Variants in KLRC3 observed in about 807,000 individuals in gnomAD.
KLRC3 encodes the protein NKG2-E type II integral membrane protein.
In KLRC3, 16 loss-of-function variants were observed where a neutral mutation model predicts 23.6. That is an observed-to-expected ratio of 0.68 (90% CI 0.46 to 1.03). The LOEUF (loss-of-function observed/expected upper bound fraction) is 1.03. Ranked by LOEUF, KLRC3 falls within the 50% of genes least tolerant of loss-of-function variation. KLRC3 has a pLI of 0.00. For missense variants in KLRC3, 209 were observed against 232.2 expected (o/e 0.90, Z 0.65); for synonymous variants, 70 against 71.8 (o/e 0.98, Z 0.13).
chr12:10,415,762 C>G lies in KLRC3; in HGVS notation c.620G>C (p.Cys207Ser). Residue 207 changes from cysteine (C) to serine (S), a missense_variant, in exon 6 of 7, where the codon TGT becomes TCT. Transcript: ENST00000396439. ...AAGTCCACGTACATGTAGCATTGCA[C>G]AGTTACGTTCAGCATGATCTGAGTC... ...IKDSDHAERN[C>S]AMLHVRGLIS... 1 of 1,611,880 alleles carries G rather than the reference C, an allele frequency of 6.2e-7. No individual in the cohort carries two copies. Among genetic ancestry groups the G allele is most frequent in the Non-Finnish European group, 8.5e-7 (1 of 1,179,132 alleles).
In KLRC3 at chr12:10,416,663, T is replaced by G; in HGVS notation, c.587+4A>C. Reference sequence around the variant, plus strand: ...TTTATATAGCACCCTATAAAACAACTTACTCATGTTTGAAAGCCAAACCAT... The same window carrying G: ...TTTATATAGCACCCTATAAAACAACGTACTCATGTTTGAAAGCCAAACCAT... On this transcript the variant is annotated splice_donor_region_variant and intron_variant, in intron 5 of 6. Coordinates refer to ENST00000396439, the MANE Select transcript of KLRC3 (RefSeq NM_002261.3). 6.2e-7 allele frequency: 1 copy of G among 1,610,278 alleles called. No homozygotes were observed. Among genetic ancestry groups the G allele is most frequent in the East Asian group, 2.2e-5 (1 of 44,808 alleles).
At position 10,416,714 on chromosome 12, in the gene KLRC3, G is replaced by A. The variant is rs1284524207; in HGVS notation, c.540C>T (p.Ser180=). 3.1e-6 allele frequency: 5 copies of A among 1,611,092 alleles called. No individual in the cohort carries two copies. The highest frequency in any genetic ancestry group is 2.2e-5 in the South Asian group (2 of 90,194). The part of the protein sequence containing the change: ...PSSWIGVFRN[S]SHHPWVTING... Reference sequence around the variant, plus strand: ...TTATTGTCACCCATGGATGATGACTGCTGTTACGAAACACACCAATCCATG... The same window carrying A: ...TTATTGTCACCCATGGATGATGACTACTGTTACGAAACACACCAATCCATG... The change falls in exon 5 of 7, where the codon AGC becomes AGT. Residue 180 remains serine (S), a synonymous_variant. Coordinates refer to ENST00000396439, the MANE Select transcript of KLRC3 (RefSeq NM_002261.3).
rs557647183 is a variant in KLRC3, at chr12:10,415,237, T to G, written c.678+467A>C. Among the ~76,000 whole-genome samples, 31 of 152,298 alleles carry G rather than the reference T, an allele frequency of 2.0e-4. No individual in the cohort carries two copies. The South Asian group carries it at 5.8e-3, about 28-fold the overall frequency. On this transcript the variant is annotated intron_variant, in intron 6 of 6. Transcript: ENST00000396439. ...TTCATCCACTTAAAATGATTAAAAATCAGTGATGTTTAGTGTATTCACAGA... is the reference window on the plus strand; with the variant it reads ...TTCATCCACTTAAAATGATTAAAAAGCAGTGATGTTTAGTGTATTCACAGA...
chr12:10,412,356 TTTAATA>T lies in KLRC3; in HGVS notation c.*210_*215del. ...ATTTTCCAATCATAACGGTCTGCAT[TTTAATA>T]TTAATATTTGTTGTAAATGACTAAT... On this transcript the variant is annotated 3_prime_UTR_variant, in exon 7 of 7. Coordinates refer to ENST00000396439, the MANE Select transcript of KLRC3 (RefSeq NM_002261.3). 4 of 570,514 alleles carry T rather than the reference TTTAATA, an allele frequency of 7.0e-6. No homozygotes were observed. Among genetic ancestry groups the T allele is most frequent in the Non-Finnish European group, 9.2e-6 (3 of 324,842 alleles). The allele number at this position is 570,514 out of a possible 1,614,324, so 35.3% of individuals were successfully genotyped here.
Position 10,416,826 on chromosome 12 carries a change from A to G in KLRC3, c.487-59T>C, listed in dbSNP as rs886686590. 8.7e-5 allele frequency: 124 copies of G among 1,423,432 alleles called. No homozygotes were observed. In the African/African-American group the frequency reaches 1.8e-3, roughly 20 times the overall value. The allele number at this position is 1,423,432 out of a possible 1,614,324, so 88.2% of individuals were successfully genotyped here. A position where few individuals can be genotyped will look rare whatever the true frequency, so the allele number is the denominator to read the frequency against. ...TAATTATGAAAACATTACAAAAACA[A>G]TATATTAAAGTTGAAAACCACTATT... is the stretch of plus-strand genomic sequence containing the variant. On this transcript the variant is annotated intron_variant, in intron 4 of 6. Transcript: ENST00000396439.
intron 3 of KLRC3, 124 bp from the exon 4 acceptor site, chr12:10,418,622 T>C (rs1315866595): frequency 6.0e-6 from 7 of 1,160,720 alleles, no homozygotes; most frequent in Non-Finnish European, 8.5e-6. Context: ...TACAGGCTTA[T>C]AAGTATATAT....
chr12:10,415,887 T>C, intron 5 of KLRC3, 93 bp from the exon 6 acceptor site: 1 of 914,228 alleles, frequency 1.1e-6, no homozygotes, highest in Non-Finnish European at 1.7e-6. Context: ...AAAATAATTT[T>C]ATGAAAAAGG....
intron 4 of KLRC3, 107 bp from the exon 5 acceptor site, chr12:10,416,874 A>C (rs974933276): frequency 1.1e-6 from 1 of 940,046 alleles, no homozygotes; most frequent in African/African-American, 1.7e-5. Context: ...AACTTTCATA[A>C]ATGTTTGAAT....
At chr12:10,417,803 C>T (rs1863667533) in intron 4 of KLRC3, among the ~76,000 whole-genome samples, 2 of 152,118 alleles carry the variant, frequency 1.3e-5, no homozygotes, top group Non-Finnish European at 2.9e-5. Flanking sequence ...TACAGATAAC[C>T]GCAATAATAT....
In KLRC3 at chr12:10,416,729, A is replaced by G. The variant is rs1863650108; in HGVS notation, c.525T>C (p.Gly175=). 1 of 1,607,922 alleles carries G rather than the reference A, an allele frequency of 6.2e-7. No homozygotes were observed. Residue 175 remains glycine, a synonymous_variant, in exon 5 of 7, where the codon GGT becomes GGC. Transcript: ENST00000396439. Reference sequence around the variant, plus strand: ...GATGATGACTGCTGTTACGAAACACACCAATCCATGAGGAAGGTAAAATGC... The same window carrying G: ...GATGATGACTGCTGTTACGAAACACGCCAATCCATGAGGAAGGTAAAATGC... ...LASILPSSWI[G]VFRNSSHHPW...
In KLRC3 at chr12:10,420,409, C is replaced by T; in HGVS notation, c.142G>A (p.Ala48Thr). The T allele has an allele frequency of 5.0e-6, 8 of 1,613,662 alleles. No homozygotes were observed. Among genetic ancestry groups the T allele is most frequent in the African/African-American group, 1.3e-5 (1 of 74,832 alleles). The change falls in exon 1 of 7, where the codon GCT (alanine) becomes ACT (threonine). Residue 48 changes from alanine to threonine, a missense_variant. By Grantham distance (58) the Ala-to-Thr change is moderately conservative. This residue lies in a region of KLRC3 where 109 missense variants were observed against 113.2 expected (regional missense o/e 0.96). Coordinates refer to ENST00000396439, the MANE Select transcript of KLRC3 (RefSeq NM_002261.3). ...TCAATCCCTTGATGATTCAGAGAAG[C>T]ATTTTGAAGGTTTAATTCTACTTGG... Reference protein sequence around the residue: ...IFQVELNLQNASLNHQGIDKI... With the variant: ...IFQVELNLQNTSLNHQGIDKI...
Position 10,418,463 on chromosome 12 carries a change from T to C in KLRC3, c.367A>G (p.Thr123Ala). The change falls in exon 4 of 7, where the codon ACA becomes GCA. Residue 123 changes from threonine (T) to alanine (A), a missense_variant. By Grantham distance (58) the Thr-to-Ala change is moderately conservative (BLOSUM62 0). Transcript: ENST00000396439. ...HCGHCPEEWI[T>A]YSNSCYYIGK... The stretch of plus-strand genomic sequence containing the variant: ...ATGTAATAACAACTGTTGGAATATG[T>C]AATCCACTCCTCAGGACAATGGCCA... 1 of 1,602,054 alleles carries C rather than the reference T, an allele frequency of 6.2e-7. No individual in the cohort carries two copies. The highest frequency in any genetic ancestry group is 8.6e-7 in the Non-Finnish European group (1 of 1,169,152).
At chr12:10,418,312 T>C (rs1863673089) in intron 4 of KLRC3, 32 bp downstream of exon 4, 2 of 1,548,010 alleles carry the variant, frequency 1.3e-6, no homozygotes, top group Non-Finnish European at 1.8e-6. Flanking sequence ...AAAGAAGCTT[T>C]TCATAAAATG....
chr12:10,417,735 A>G (rs538648148), intron 4 of KLRC3, among the ~76,000 whole-genome samples: 1 of 152,234 alleles, frequency 6.6e-6, no homozygotes, highest in Non-Finnish European at 1.5e-5. Flanking sequence ...TAGAGACATA[A>G]GACAGAATGA....
chr12:10,414,353 T>A (rs1407413224), intron 6 of KLRC3, among the ~76,000 whole-genome samples: 1 of 151,926 alleles, frequency 6.6e-6, no homozygotes, highest in Non-Finnish European at 1.5e-5. Flanking sequence ...CACTTCAATA[T>A]AAGAAAGATA....
chr12:10,415,046 T>G (rs1192168557), intron 6 of KLRC3, among the ~76,000 whole-genome samples: 1 of 152,154 alleles, frequency 6.6e-6, no homozygotes. Context: ...ACCCCATACA[T>G]TGAACCCAGT....
At chr12:10,414,336 AT>A (rs1156898650) in intron 6 of KLRC3, among the ~76,000 whole-genome samples, 1 of 152,126 alleles carries the variant, frequency 6.6e-6, no homozygotes, top group African/African-American at 2.4e-5. Context: ...AAGGAATATT[AT>A]AAAACCACTT....
chr12:10,420,330 A>G, intron 1 of KLRC3, 34 bp downstream of exon 1: 1 of 1,599,500 alleles, frequency 6.3e-7, no homozygotes, highest in South Asian at 1.1e-5. Context: ...CACATCCCAG[A>G]ACAATAACAT....
At chr12:10,416,582 A>C in intron 5 of KLRC3, 85 bp downstream of exon 5, 4 of 1,441,520 alleles carry the variant, frequency 2.8e-6, no homozygotes, top group Non-Finnish European at 2.8e-6. Flanking sequence ...TCTTCATATC[A>C]ATGATTCCAC....
Sources: gnomAD v4.1 joint callset for allele counts (sites outside exome capture counted in the v4.1 genomes callset) on GRCh38, gnomAD v4.1.1 for gene constraint, gnomAD v4.1.1 regional missense constraint, MANE v1.5 for transcripts, NCBI Gene and HGNC (gene_info 2026-07-23, HGNC 2026-07-21) for gene names.